Variants in MED12L observed in about 807,000 individuals in gnomAD.
MED12L encodes the protein mediator complex subunit 12L.
MED12L carries 60 observed loss-of-function variants against 281.3 expected under a neutral mutation model. That is an observed-to-expected ratio of 0.21 (90% CI 0.17 to 0.26). The LOEUF is 0.26. Ranked by LOEUF, MED12L falls within the 10% of genes least tolerant of loss-of-function variation. The probability of loss-of-function intolerance (pLI) is 1.00; values close to 1 mark genes in which losing one functional copy is unlikely to be tolerated. For synonymous variants in MED12L, 974 were observed against 987.2 expected, an observed-to-expected ratio of 0.99 and a Z score of 0.25; for missense variants, 2,146 against 2,680.9, an observed-to-expected ratio of 0.80 and a Z score of 4.41.
chr3:151,300,043 T>C (rs1360893981), intron 16 of MED12L: 1 of 1,537,304 alleles, frequency 6.5e-7, no homozygotes, highest in Admixed American at 1.7e-5. Flanking sequence ...TAAGATTTTC[T>C]TTGTATCTCT....
At chr3:151,288,331 G>A (rs1055722003) in intron 16 of MED12L, among the ~76,000 whole-genome samples, 1 of 152,160 alleles carries the variant, frequency 6.6e-6, no homozygotes, top group African/African-American at 2.4e-5. Flanking sequence ...TATAATTTAA[G>A]TCTATTTTAC....
chr3:151,107,700 T>C (rs1163069223), intron 2 of MED12L, among the ~76,000 whole-genome samples: 1 of 152,102 alleles, frequency 6.6e-6, no homozygotes, highest in Admixed American at 6.5e-5. Flanking sequence ...ATAATAACAA[T>C]AGCCACCATT....
At chr3:151,088,484 G>A (rs1719571090) in intron 2 of MED12L, among the ~76,000 whole-genome samples, 1 of 152,112 alleles carries the variant, frequency 6.6e-6, no homozygotes. Context: ...ATAGGGACAG[G>A]GATATTTTGT....
At chr3:151,394,586 G>A in intron 38 of MED12L, 70 bp from the exon 39 acceptor site, 4 of 1,592,264 alleles carry the variant, frequency 2.5e-6, no homozygotes, top group Non-Finnish European at 3.4e-6. Flanking sequence ...AAATTTCTGT[G>A]TTTTGATACA....
At chr3:151,354,026 A>G (rs1244352933) in intron 17 of MED12L, among the ~76,000 whole-genome samples, 3 of 148,850 alleles carry the variant, frequency 2.0e-5, no homozygotes, top group Non-Finnish European at 4.5e-5. Flanking sequence ...CTGTAGTCCC[A>G]GCTACTTGGG....
rs1577124745 is a variant in MED12L, at chr3:151,250,823, A to G, written c.2250+57157A>G. On this transcript the variant is annotated intron_variant, in intron 16 of 44. Coordinates refer to ENST00000687756, the MANE Select transcript of MED12L (RefSeq NM_001393769.1). ...TGGATCATGTGGTAATCCTATGTTA[A>G]TTTTCTAAAGGAATTGCTGTTTTCC... Among the ~76,000 whole-genome samples the G allele has an allele frequency of 2.0e-5, 3 of 152,218 alleles. 1 individual carries two copies. The East Asian group carries it at 5.8e-4, about 29-fold the overall frequency.
intron 16 of MED12L, among the ~76,000 whole-genome samples, chr3:151,313,220 G>C (rs1236532098): frequency 1.3e-5 from 2 of 152,088 alleles, no homozygotes; most frequent in Non-Finnish European, 2.9e-5. Context: ...TTCATGTGCT[G>C]ATTAGCACCT....
At chr3:151,262,130 A>C (rs1429834696) in intron 16 of MED12L, among the ~76,000 whole-genome samples, 1 of 152,206 alleles carries the variant, frequency 6.6e-6, no homozygotes, top group Non-Finnish European at 1.5e-5. Flanking sequence ...GAATTTATTG[A>C]AAGTTAGATA....
chr3:151,179,288 C>T (rs1386788548), intron 11 of MED12L, among the ~76,000 whole-genome samples: 2 of 151,532 alleles, frequency 1.3e-5, no homozygotes, highest in Non-Finnish European at 2.9e-5. Context: ...TGCAGTGAGC[C>T]GAGATTGTAC....
At chr3:151,269,397 T>TCACACACACA (rs71801434) in intron 16 of MED12L, 8,817 of 144,584 alleles carry the variant, frequency 0.061, 326 homozygotes, top group African/African-American at 0.092. Context: ...TGAAACTCCA[T>TCACACACACA]CACACACACA....
chr3:151,259,415 A>G (rs1197711793), intron 16 of MED12L, among the ~76,000 whole-genome samples: 1 of 152,216 alleles, frequency 6.6e-6, no homozygotes, highest in East Asian at 1.9e-4. Flanking sequence ...TGATTTGGAT[A>G]GGGTGGTCTT....
intron 16 of MED12L, chr3:151,269,559 T>C: frequency 3.3e-6 from 1 of 301,084 alleles, no homozygotes; most frequent in South Asian, 3.3e-5. Context: ...AAATTTCAAA[T>C]TTTTGGGTAA....
intron 43 of MED12L, among the ~76,000 whole-genome samples, chr3:151,418,281 A>G (rs1366165154): frequency 1.3e-5 from 2 of 152,166 alleles, no homozygotes; most frequent in Non-Finnish European, 2.9e-5. Context: ...GGGTATTATT[A>G]AAATTAGGAA....
At chr3:151,199,247 C>T in intron 16 of MED12L, 1 of 1,613,976 alleles carries the variant, frequency 6.2e-7, no homozygotes. Flanking sequence ...GCTCACACAC[C>T]TGTGATTCGT....
At chr3:151,317,138 T>A (rs1197114463) in intron 16 of MED12L, among the ~76,000 whole-genome samples, 3 of 152,172 alleles carry the variant, frequency 2.0e-5, no homozygotes, top group African/African-American at 7.2e-5. Flanking sequence ...AAGAATATGC[T>A]TTATGACAGA....
At chr3:151,284,942 T>G (rs1408967564) in intron 16 of MED12L, among the ~76,000 whole-genome samples, 1 of 152,172 alleles carries the variant, frequency 6.6e-6, no homozygotes, top group East Asian at 1.9e-4. Flanking sequence ...ATGAGCCATT[T>G]AAGGAACAGC....
chr3:151,100,776 G>T (rs1721292531), intron 2 of MED12L, among the ~76,000 whole-genome samples: 1 of 152,102 alleles, frequency 6.6e-6, no homozygotes, highest in Non-Finnish European at 1.5e-5. Flanking sequence ...ACTTGAATCT[G>T]CTTTTAAGTT....
At chr3:151,409,442 T>C in intron 40 of MED12L, 110 bp downstream of exon 40, 3 of 862,218 alleles carry the variant, frequency 3.5e-6, no homozygotes, top group Non-Finnish European at 5.7e-6. Context: ...TAGAACTTGA[T>C]TACTTCTTCT....
At chr3:151,198,356 TATCTTTCAAAGC>T in intron 16 of MED12L, 3 of 1,131,164 alleles carry the variant, frequency 2.7e-6, no homozygotes, top group Non-Finnish European at 3.6e-6. Context: ...TTTTTTTTTT[TATCTTTCAAAGC>T]TATAATTAAC....
Sources: gnomAD v4.1 joint callset for allele counts (sites outside exome capture counted in the v4.1 genomes callset) on GRCh38, gnomAD v4.1.1 for gene constraint, MANE v1.5 for transcripts, NCBI Gene and HGNC (gene_info 2026-07-23, HGNC 2026-07-21) for gene names.